KCNN2: variants seen among roughly 807,000 people sequenced by gnomAD.
KCNN2 encodes the protein small conductance calcium-activated potassium channel protein 2.
KCNN2 carries 24 observed loss-of-function variants against 55.5 expected under a neutral mutation model. The observed-to-expected ratio is 0.43, with a 90% confidence interval of 0.31 to 0.61. KCNN2 has a LOEUF of 0.61. Ranked by LOEUF, KCNN2 falls within the 20% of genes least tolerant of loss-of-function variation. The pLI is 0.08. For missense variants in KCNN2, 754 were observed against 853.6 expected (o/e 0.88, Z 1.45); for synonymous variants, 431 against 336.1 (o/e 1.28, Z -3.09).
intron 1 of KCNN2, among the ~76,000 whole-genome samples, chr5:114,176,777 C>T (rs1449185748): frequency 1.3e-5 from 2 of 152,082 alleles, no homozygotes; most frequent in Non-Finnish European, 2.9e-5. Context: ...ATATTAGATA[C>T]AGAACTGGTT....
chr5:114,276,658 A>ATTTTTTTT (rs141201743), intron 2 of KCNN2, among the ~76,000 whole-genome samples: 1 of 130,446 alleles, frequency 7.7e-6, no homozygotes, highest in Non-Finnish European at 1.6e-5. Flanking sequence ...CAACCCCTGC[A>ATTTTTTTT]TTTTTTTTTT....
At chr5:114,180,167 T>C (rs1224688260) in intron 1 of KCNN2, among the ~76,000 whole-genome samples, 4 of 152,188 alleles carry the variant, frequency 2.6e-5, no homozygotes, top group African/African-American at 7.2e-5. Flanking sequence ...GACAAATTCT[T>C]CATACTTGGG....
chr5:114,200,057 C>G (rs1481574286), intron 1 of KCNN2, among the ~76,000 whole-genome samples: 1 of 152,100 alleles, frequency 6.6e-6, no homozygotes, highest in South Asian at 2.1e-4. Flanking sequence ...GTCTAACTCT[C>G]TTGATAGACA....
chr5:114,332,349 A>G (rs139679112), intron 2 of KCNN2, among the ~76,000 whole-genome samples: 143 of 152,336 alleles, frequency 9.4e-4, no homozygotes, highest in African/African-American at 3.2e-3. Context: ...TAGACAAAAG[A>G]GAACTCCCCT....
In KCNN2 at chr5:114,158,636, C is replaced by T. The variant is rs550875172; in HGVS notation, c.-270-62844C>T. On this transcript the variant is annotated intron_variant, in intron 1 of 10. Transcript: ENST00000512097. ...GATATTGATTCTTCCTACCCATGAG[C>T]ATGGAATGTTCTTCCATTTGTTTGT... is the stretch of plus-strand genomic sequence containing the variant. Among the ~76,000 whole-genome samples, 464 of 151,818 alleles carry T rather than the reference C, an allele frequency of 3.1e-3. 2 individuals carry two copies. The highest frequency in any genetic ancestry group is 0.011 in the African/African-American group (443 of 41,442).
intron 2 of KCNN2, among the ~76,000 whole-genome samples, chr5:114,292,502 A>G (rs1755915851): frequency 6.6e-6 from 1 of 152,140 alleles, no homozygotes. Flanking sequence ...AGATAGTTGT[A>G]GATATGTGGC....
intron 1 of KCNN2, among the ~76,000 whole-genome samples, chr5:114,107,850 A>G (rs1453421472): frequency 6.6e-6 from 1 of 152,090 alleles, no homozygotes; most frequent in Non-Finnish European, 1.5e-5. Context: ...CAAATATACC[A>G]TAATATAAAC....
Position 114,375,952 on chromosome 5 carries a change from G to GTGTGTATA in KCNN2, c.1218+11952_1218+11953insGTGTATAT, listed in dbSNP as rs1249028214. Among the ~76,000 whole-genome samples the GTGTGTATA allele has an allele frequency of 1.9e-5, 2 of 104,722 alleles. 1 individual carries two copies. The highest frequency in any genetic ancestry group is 3.8e-5 in the Non-Finnish European group (2 of 53,274). The allele number at this position is 104,722 out of a possible 152,430, so 68.7% of individuals were successfully genotyped here. A position where few individuals can be genotyped will look rare whatever the true frequency, so the allele number is the denominator to read the frequency against. On this transcript the variant is annotated intron_variant, in intron 2 of 7. Coordinates refer to ENST00000673685, the MANE Select transcript of KCNN2 (RefSeq NM_021614.4). ...AATCATTTAAAAAAAGACTCACAGTGTATATATATATATATATATATATAT... is the reference window on the plus strand; with the variant it reads ...AATCATTTAAAAAAAGACTCACAGTGTGTGTATATATATATATATATATATATATATAT...
chr5:114,244,911 G>A (rs768123422), intron 2 of KCNN2, among the ~76,000 whole-genome samples: 1 of 152,084 alleles, frequency 6.6e-6, no homozygotes, highest in Non-Finnish European at 1.5e-5. Flanking sequence ...TAGAACTGCT[G>A]GGTTATTCTG....
chr5:114,140,289 C>G (rs1156637157), intron 1 of KCNN2, among the ~76,000 whole-genome samples: 1 of 152,212 alleles, frequency 6.6e-6, no homozygotes, highest in Non-Finnish European at 1.5e-5. Flanking sequence ...TATCAAGTAG[C>G]TAAACCTCAG....
chr5:114,104,647 A>G (rs565925633), intron 1 of KCNN2, among the ~76,000 whole-genome samples: 2 of 152,208 alleles, frequency 1.3e-5, no homozygotes, highest in East Asian at 3.9e-4. Flanking sequence ...TAGAAAAGAA[A>G]AAATACATGC....
chr5:114,162,957 G>A (rs1041665609), intron 1 of KCNN2, among the ~76,000 whole-genome samples: 5 of 152,158 alleles, frequency 3.3e-5, no homozygotes, highest in Admixed American at 2.6e-4. Context: ...TCCCGGGTGA[G>A]GCGATGCCTC....
intron 1 of KCNN2, among the ~76,000 whole-genome samples, chr5:114,093,029 T>A (rs1470925441): frequency 6.6e-6 from 1 of 152,200 alleles, no homozygotes; most frequent in African/African-American, 2.4e-5. Flanking sequence ...AATTTCTCCC[T>A]AGAAAATGGG....
At chr5:114,240,042 T>A (rs116025671) in intron 2 of KCNN2, among the ~76,000 whole-genome samples, 386 of 152,240 alleles carry the variant, frequency 2.5e-3, no homozygotes, top group African/African-American at 8.9e-3. Flanking sequence ...CCGCCATAAG[T>A]TTAACATGAA....
At chr5:114,375,198 C>T (rs906553703) in intron 2 of KCNN2, among the ~76,000 whole-genome samples, 1 of 151,976 alleles carries the variant, frequency 6.6e-6, no homozygotes, top group African/African-American at 2.4e-5. Context: ...AAACTATGCC[C>T]TAGCTTTGGA....
At chr5:114,063,278 A>G (rs1393550892) in intron 1 of KCNN2, among the ~76,000 whole-genome samples, 1 of 152,242 alleles carries the variant, frequency 6.6e-6, no homozygotes, top group Non-Finnish European at 1.5e-5. Context: ...GCTCTTTGAC[A>G]GGGCATCTCT....
intron 2 of KCNN2, among the ~76,000 whole-genome samples, chr5:114,349,295 C>G (rs1337472877): frequency 6.6e-6 from 1 of 152,006 alleles, no homozygotes; most frequent in Non-Finnish European, 1.5e-5. Context: ...AATCCCTAAT[C>G]TGAAAATATA....
chr5:114,198,346 G>A (rs138321771), intron 1 of KCNN2, among the ~76,000 whole-genome samples: 65 of 146,608 alleles, frequency 4.4e-4, no homozygotes, highest in African/African-American at 1.6e-3. Flanking sequence ...ATATATACGT[G>A]TATATATACA....
chr5:114,139,054 A>T (rs1752223788), intron 1 of KCNN2, among the ~76,000 whole-genome samples: 2 of 152,122 alleles, frequency 1.3e-5, no homozygotes, highest in African/African-American at 4.8e-5. Context: ...GCTTTTCTTG[A>T]GTAATTGGGC....
Sources: allele counts gnomAD v4.1 joint callset (sites outside exome capture counted in the v4.1 genomes callset), GRCh38; gene constraint gnomAD v4.1.1; transcripts MANE v1.5; gene names NCBI Gene and HGNC (gene_info 2026-07-23, HGNC 2026-07-21).